Variants in CTNND2 observed in about 807,000 individuals in gnomAD.
CTNND2 encodes the protein catenin delta 2.
In CTNND2, 22 loss-of-function variants were observed where a neutral mutation model predicts 144.4. The ratio of observed to expected loss-of-function variants is 0.15; its 90% CI spans 0.11 to 0.22. The LOEUF is 0.22. Among genes scored for constraint, CTNND2 ranks in the 10% least tolerant of loss-of-function variants. The probability of loss-of-function intolerance (pLI) is 1.00; values close to 1 mark genes in which losing one functional copy is unlikely to be tolerated. For missense variants in CTNND2, 1,353 were observed against 1,618.8 expected (o/e 0.84, Z 2.82); for synonymous variants, 751 against 695.6 (o/e 1.08, Z -1.25).
chr5:11,353,726 C>T (rs1270559404), intron 8 of CTNND2, among the ~76,000 whole-genome samples: 1 of 151,782 alleles, frequency 6.6e-6, no homozygotes, highest in Non-Finnish European at 1.5e-5. Context: ...CCGTTTGAAC[C>T]CAGGAGGCGG....
At chr5:11,672,525 G>A (rs542591176) in intron 2 of CTNND2, among the ~76,000 whole-genome samples, 3 of 152,290 alleles carry the variant, frequency 2.0e-5, no homozygotes, top group African/African-American at 7.2e-5. Flanking sequence ...GCTGAGCTAT[G>A]GAGGGCTCCA....
intron 9 of CTNND2, among the ~76,000 whole-genome samples, chr5:11,275,226 C>A (rs971013000): frequency 6.6e-6 from 1 of 152,104 alleles, no homozygotes; most frequent in Non-Finnish European, 1.5e-5. Flanking sequence ...GATGGGGAAA[C>A]TGAGTCACAA....
intron 1 of CTNND2, among the ~76,000 whole-genome samples, chr5:11,795,099 T>C (rs1389982415): frequency 1.3e-5 from 2 of 152,174 alleles, no homozygotes; most frequent in Admixed American, 6.5e-5. Flanking sequence ...ATTTAACTCA[T>C]TTAATTTAGA....
intron 9 of CTNND2, among the ~76,000 whole-genome samples, chr5:11,337,843 G>C (rs1019779971): frequency 3.3e-5 from 5 of 152,070 alleles, no homozygotes; most frequent in African/African-American, 1.2e-4. Flanking sequence ...ATCAGATTTA[G>C]TGTCTCCAAT....
chr5:11,226,847 T>C (rs760207591), intron 10 of CTNND2, among the ~76,000 whole-genome samples: 8 of 152,356 alleles, frequency 5.3e-5, no homozygotes, highest in East Asian at 1.9e-4. Flanking sequence ...TGCTGGATTA[T>C]TGAGGTCAAA....
chr5:11,742,318 A>G (rs990772391), intron 1 of CTNND2, among the ~76,000 whole-genome samples: 4 of 152,096 alleles, frequency 2.6e-5, no homozygotes, highest in African/African-American at 9.7e-5. Flanking sequence ...AGAAACATTT[A>G]TAACTCTTCT....
At chr5:11,690,024 G>A (rs1466091028) in intron 2 of CTNND2, among the ~76,000 whole-genome samples, 1 of 152,130 alleles carries the variant, frequency 6.6e-6, no homozygotes, top group African/African-American at 2.4e-5. Flanking sequence ...AATCTATCTT[G>A]TTCTTTCAAA....
At position 11,562,754 on chromosome 5, in the gene CTNND2, G is replaced by A. The variant is rs148686643; in HGVS notation, c.287+2190C>T. 3.8e-3 allele frequency among the ~76,000 whole-genome samples: 577 copies of A among 152,276 alleles called. 3 individuals carry two copies. The highest frequency in any genetic ancestry group is 0.012 in the South Asian group (56 of 4,828). Reference sequence around the variant, plus strand: ...TCTGTCTACCTTGGAATTAACTGATGTATTTTATTCAAGACACTTTGGATG... The same window carrying A: ...TCTGTCTACCTTGGAATTAACTGATATATTTTATTCAAGACACTTTGGATG... On this transcript the variant is annotated intron_variant, in intron 3 of 21. Transcript: ENST00000304623.
chr5:11,302,372 C>T (rs899459267), intron 9 of CTNND2, among the ~76,000 whole-genome samples: 5 of 152,072 alleles, frequency 3.3e-5, no homozygotes, highest in South Asian at 2.1e-4. Context: ...CAGCTCTTAC[C>T]GGGGAGTCCT....
intron 9 of CTNND2, among the ~76,000 whole-genome samples, chr5:11,279,288 G>A (rs1445156252): frequency 6.6e-6 from 1 of 152,094 alleles, no homozygotes; most frequent in African/African-American, 2.4e-5. Context: ...CTCCAAAACT[G>A]TCCCTCTCAC....
intron 16 of CTNND2, among the ~76,000 whole-genome samples, chr5:11,060,042 T>C (rs1264775123): frequency 6.6e-6 from 1 of 152,160 alleles, no homozygotes; most frequent in African/African-American, 2.4e-5. Context: ...TCAATTAGAT[T>C]TATAACTTCT....
chr5:11,409,370 A>G (rs1414603403), intron 5 of CTNND2, among the ~76,000 whole-genome samples: 3 of 152,078 alleles, frequency 2.0e-5, no homozygotes, highest in Non-Finnish European at 4.4e-5. Context: ...CATATGTAAC[A>G]AACATATACT....
intron 2 of CTNND2, among the ~76,000 whole-genome samples, chr5:11,631,254 A>G (rs1781399716): frequency 6.6e-6 from 1 of 152,206 alleles, no homozygotes; most frequent in South Asian, 2.1e-4. Flanking sequence ...TTTCCATGAT[A>G]AGCCAGGTTT....
At chr5:11,703,948 T>G (rs1033522219) in intron 2 of CTNND2, among the ~76,000 whole-genome samples, 1 of 152,202 alleles carries the variant, frequency 6.6e-6, no homozygotes, top group African/African-American at 2.4e-5. Flanking sequence ...TCTGAGGGAT[T>G]CTCAAATAAT....
At chr5:11,585,949 G>A (rs1315171653) in intron 2 of CTNND2, among the ~76,000 whole-genome samples, 1 of 152,070 alleles carries the variant, frequency 6.6e-6, no homozygotes, top group Non-Finnish European at 1.5e-5. Flanking sequence ...AGTTTCCTCT[G>A]CAGGAGCAAA....
At chr5:11,604,496 G>A (rs368940158) in intron 2 of CTNND2, among the ~76,000 whole-genome samples, 16 of 152,342 alleles carry the variant, frequency 1.1e-4, no homozygotes, top group African/African-American at 3.6e-4. Flanking sequence ...GCATGGGTCT[G>A]CGCACAGCTC....
intron 3 of CTNND2, among the ~76,000 whole-genome samples, chr5:11,549,663 G>A (rs1036247518): frequency 1.3e-5 from 2 of 152,044 alleles, no homozygotes; most frequent in African/African-American, 4.8e-5. Context: ...GGTTACCAGG[G>A]AATTAAATGA....
At chr5:11,585,740 CAACTT>C (rs1778806134) in intron 2 of CTNND2, among the ~76,000 whole-genome samples, 1 of 151,916 alleles carries the variant, frequency 6.6e-6, no homozygotes, top group African/African-American at 2.4e-5. Flanking sequence ...GATGGGGAGA[CAACTT>C]AAGTAGAATA....
chr5:11,819,878 T>G (rs61761640), intron 1 of CTNND2, among the ~76,000 whole-genome samples: 17 of 152,198 alleles, frequency 1.1e-4, no homozygotes, highest in African/African-American at 3.6e-4. Flanking sequence ...TCTCAGAAGG[T>G]ATGTTAGTGA....
Sources: gnomAD v4.1 joint callset for allele counts (sites outside exome capture counted in the v4.1 genomes callset) on GRCh38, gnomAD v4.1.1 for gene constraint, MANE v1.5 for transcripts, NCBI Gene and HGNC (gene_info 2026-07-23, HGNC 2026-07-21) for gene names.